Variants in ATRN observed in about 807,000 individuals in gnomAD.
ATRN encodes attractin, also known as attractin-2.
A neutral mutation model predicts 178.7 loss-of-function variants in ATRN; 54 were observed. That is an observed-to-expected ratio of 0.30 (90% confidence interval 0.24 to 0.38). ATRN has a LOEUF of 0.38. ATRN is among the 10% of genes least tolerant of loss of function. ATRN has a pLI of 1.00. For synonymous variants in ATRN, 636 were observed against 663.0 expected (o/e 0.96, Z 0.63); for missense variants, 1,443 against 1,815.1 (o/e 0.79, Z 3.73).
At chr20:3,623,996 C>A (rs1364235485) in intron 24 of ATRN, among the ~76,000 whole-genome samples, 1 of 152,118 alleles carries the variant, frequency 6.6e-6, no homozygotes, top group Non-Finnish European at 1.5e-5. Context: ...TATTTAAGTT[C>A]TGATGACGTA....
At position 3,618,933 on chromosome 20, in the gene ATRN, G is replaced by A. The variant is rs548583306; in HGVS notation, c.3802-5578G>A. 8.5e-5 allele frequency among the ~76,000 whole-genome samples: 13 copies of A among 152,340 alleles called. No individual in the cohort carries two copies. The South Asian group carries it at 2.7e-3, about 32-fold the overall frequency. The stretch of plus-strand genomic sequence containing the variant: ...GACAGCACAAGACCCAGGTTAGAAT[G>A]TACTTAGCCAGGGCTCACGGAATCT... On this transcript the variant is annotated intron_variant, in intron 24 of 28. Coordinates refer to ENST00000262919, the MANE Select transcript of ATRN (RefSeq NM_139321.3).
intron 1 of ATRN, among the ~76,000 whole-genome samples, chr20:3,514,717 T>C (rs1166481126): frequency 2.0e-5 from 3 of 152,112 alleles, no homozygotes; most frequent in African/African-American, 7.2e-5. Context: ...CCTAACACTT[T>C]GGGAGGCTGA....
Position 3,650,748 on chromosome 20 carries a change from G to A in ATRN, c.*3901G>A, listed in dbSNP as rs1185024686. On this transcript the variant is annotated 3_prime_UTR_variant, in exon 29 of 29. Coordinates refer to ENST00000262919, the MANE Select transcript of ATRN (RefSeq NM_139321.3). ...TGTGCACAAAACATTCTAAACACTA[G>A]TGAAGCCTGTTTCGTTGAACTAATT... The A allele has an allele frequency of 6.6e-6, 1 of 151,626 alleles. No homozygotes were observed. The highest frequency in any genetic ancestry group is 2.4e-5 in the African/African-American group (1 of 41,272). 9.4% of individuals were successfully genotyped at this position (151,626 alleles called of 1,614,324 possible).
chr20:3,614,609 G>A (rs1266414851), intron 24 of ATRN, among the ~76,000 whole-genome samples: 1 of 152,164 alleles, frequency 6.6e-6, no homozygotes, highest in African/African-American at 2.4e-5. Context: ...TGTTCACTTG[G>A]ATGTGCTTTT....
chr20:3,489,394 G>A (rs2084748555), intron 1 of ATRN: 2 of 617,518 alleles, frequency 3.2e-6, no homozygotes, highest in Non-Finnish European at 5.8e-6. Flanking sequence ...AGCATGCCTT[G>A]TTTCTACAGG....
chr20:3,640,840 C>T (rs2087061820), intron 27 of ATRN, among the ~76,000 whole-genome samples: 1 of 152,082 alleles, frequency 6.6e-6, no homozygotes. Flanking sequence ...TCACAGTAGC[C>T]AAAAAGTGGA....
At chr20:3,615,857 C>T in intron 24 of ATRN, 4 of 452,404 alleles carry the variant, frequency 8.8e-6, no homozygotes, top group South Asian at 4.7e-5. Flanking sequence ...GACGCATGGA[C>T]ACAGGAAGGG....
At chr20:3,484,509 G>A (rs533209847) in intron 1 of ATRN, among the ~76,000 whole-genome samples, 21 of 152,186 alleles carry the variant, frequency 1.4e-4, no homozygotes, top group South Asian at 4.1e-4. Context: ...TATGGTAAGC[G>A]GTTGTTGCAG....
rs569482622 is a variant in ATRN, at chr20:3,562,367, C to T, written c.1539C>T (p.Ala513=). The T allele has an allele frequency of 1.2e-6, 2 of 1,613,894 alleles. No individual in the cohort carries two copies. The highest frequency in any genetic ancestry group is 1.3e-5 in the African/African-American group (1 of 74,844). Residue 513 remains alanine (A), a synonymous_variant, in exon 9 of 29, where the codon GCC becomes GCT. Transcript: ENST00000262919. ...GTGTTTACGACCATAGGACCAGGGC[C>T]CTATACGTTCATGGTGGCTACAAGG... ...HSSVYDHRTR[A]LYVHGGYKAF...
intron 11 of ATRN, among the ~76,000 whole-genome samples, chr20:3,565,897 A>C (rs2086029391): frequency 6.6e-6 from 1 of 151,274 alleles, no homozygotes. Flanking sequence ...TTACAGGATT[A>C]TGTGGGTATA....
chr20:3,560,625 A>G, intron 7 of ATRN, 37 bp from the exon 8 acceptor site: 1 of 1,498,256 alleles, frequency 6.7e-7, no homozygotes, highest in Non-Finnish European at 9.2e-7. Flanking sequence ...TAATCTTTTC[A>G]ATGTTTTTAA....
chr20:3,571,247 G>T (rs975608144), intron 11 of ATRN, among the ~76,000 whole-genome samples: 2 of 152,158 alleles, frequency 1.3e-5, no homozygotes, highest in Non-Finnish European at 2.9e-5. Flanking sequence ...CGCTAAGCTT[G>T]TGGGAGTTAT....
chr20:3,576,418 C>T (rs1329582132), intron 13 of ATRN, among the ~76,000 whole-genome samples: 2 of 152,112 alleles, frequency 1.3e-5, no homozygotes, highest in Non-Finnish European at 2.9e-5. Context: ...TATAAGATGA[C>T]CCAGGCTTTT....
At chr20:3,586,487 TA>T (rs970873869) in intron 18 of ATRN, among the ~76,000 whole-genome samples, 1 of 147,134 alleles carries the variant, frequency 6.8e-6, no homozygotes, top group African/African-American at 2.5e-5. Context: ...TGGATTACCC[TA>T]AAAAAAATGC....
At chr20:3,542,680 G>GC (rs1376609349) in intron 3 of ATRN, among the ~76,000 whole-genome samples, 14 of 149,162 alleles carry the variant, frequency 9.4e-5, no homozygotes, top group African/African-American at 3.5e-4. Flanking sequence ...AGGCTGGAGT[G>GC]CAGAGGCAGG....
At chr20:3,545,935 A>G in intron 4 of ATRN, 45 bp downstream of exon 4, 1 of 1,591,814 alleles carries the variant, frequency 6.3e-7, no homozygotes, top group Non-Finnish European at 8.6e-7. Context: ...TCAGGAGACT[A>G]TCTACTATGT....
chr20:3,494,207 G>A (rs1325506363), intron 1 of ATRN, among the ~76,000 whole-genome samples: 3 of 152,172 alleles, frequency 2.0e-5, no homozygotes, highest in Middle Eastern at 3.2e-3. Flanking sequence ...GCTGAGCCAC[G>A]AAGACTTAAT....
intron 1 of ATRN, among the ~76,000 whole-genome samples, chr20:3,500,778 T>A (rs1026172695): frequency 1.3e-5 from 2 of 151,834 alleles, no homozygotes; most frequent in South Asian, 2.1e-4. Context: ...ATGGCACATG[T>A]ATACATATGT....
intron 1 of ATRN, among the ~76,000 whole-genome samples, chr20:3,524,409 GTAAAGCAAGT>G (rs2085337009): frequency 1.3e-5 from 2 of 152,180 alleles, no homozygotes; most frequent in African/African-American, 4.8e-5. Flanking sequence ...ACCCAGATTC[GTAAAGCAAGT>G]CTTTAGAGAC....
Sources: allele counts gnomAD v4.1 joint callset (sites outside exome capture counted in the v4.1 genomes callset), GRCh38; gene constraint gnomAD v4.1.1; transcripts MANE v1.5; gene names NCBI Gene and HGNC (gene_info 2026-07-23, HGNC 2026-07-21).